The following NT5DC3 variants were observed in gnomAD, a reference collection of about 807,000 sequenced individuals.
NT5DC3 encodes 5'-nucleotidase domain containing 3, also known as 5'-nucleotidase domain-containing protein 3.
A neutral mutation model predicts 67.8 loss-of-function variants in NT5DC3; 42 were observed. The observed-to-expected ratio is 0.62, with a 90% CI of 0.48 to 0.80. NT5DC3 has a LOEUF of 0.80. Ranked by LOEUF, NT5DC3 falls within the 30% of genes least tolerant of loss-of-function variation. The probability of loss-of-function intolerance (pLI) is 0.00; values close to 1 mark genes in which losing one functional copy is unlikely to be tolerated. For synonymous variants in NT5DC3, 237 were observed against 255.6 expected (o/e 0.93, Z 0.69); for missense variants, 570 against 696.4 (o/e 0.82, Z 2.04).
At chr12:103,808,125 T>A (rs1282256392) in intron 2 of NT5DC3, among the ~76,000 whole-genome samples, 1 of 152,120 alleles carries the variant, frequency 6.6e-6, no homozygotes, top group Non-Finnish European at 1.5e-5. Context: ...AATCTCAGAA[T>A]TAGGACACAA....
the NT5DC3 span, among the ~76,000 whole-genome samples, chr12:103,749,674 G>GT: frequency 8.4e-6 from 1 of 119,486 alleles, no homozygotes; most frequent in Non-Finnish European, 1.8e-5. Flanking sequence ...CTAAAAAAAT[G>GT]CAAAAAAAAA....
intron 1 of NT5DC3, among the ~76,000 whole-genome samples, chr12:103,826,866 C>A (rs1032942827): frequency 6.6e-6 from 1 of 152,210 alleles, no homozygotes; most frequent in Non-Finnish European, 1.5e-5. Context: ...TTCTAAATTT[C>A]TTTTATTTTG....
At chr12:103,807,989 G>A (rs929546380) in intron 2 of NT5DC3, among the ~76,000 whole-genome samples, 3 of 152,236 alleles carry the variant, frequency 2.0e-5, no homozygotes, top group East Asian at 3.9e-4. Context: ...GCATGAAAAC[G>A]AAACTAATAC....
Position 103,789,107 on chromosome 12 carries a change from C to T in NT5DC3, c.1020-188G>A, listed in dbSNP as rs1885925086. ...TCCCAAATTGTGTGAAGCCCAGTAT[C>T]CAAAGGTGTTCCACGAAAAAAAAGA... On this transcript the variant is annotated intron_variant, in intron 9 of 13. Transcript: ENST00000392876. 3 of 551,774 alleles carry T rather than the reference C, an allele frequency of 5.4e-6. No homozygotes were observed. The East Asian group carries it at 8.5e-5, about 16-fold the overall frequency. The allele number at this position is 551,774 out of a possible 1,614,324, so 34.2% of individuals were successfully genotyped here. A position where few individuals can be genotyped will look rare whatever the true frequency, so the allele number is the denominator to read the frequency against.
At chr12:103,749,664 CT>C in the NT5DC3 span, among the ~76,000 whole-genome samples, 2 of 137,998 alleles carry the variant, frequency 1.4e-5, no homozygotes, top group African/African-American at 5.4e-5. Flanking sequence ...CCCATGTCTA[CT>C]AAAAAAATGC....
the NT5DC3 span, among the ~76,000 whole-genome samples, chr12:103,754,717 A>T: frequency 6.6e-6 from 1 of 152,182 alleles, no homozygotes; most frequent in African/African-American, 2.4e-5. Flanking sequence ...TGGGAGCCAG[A>T]GGCGGGTGGA....
At chr12:103,800,427 C>T (rs1428226498) in intron 4 of NT5DC3, among the ~76,000 whole-genome samples, 3 of 152,240 alleles carry the variant, frequency 2.0e-5, no homozygotes, top group Non-Finnish European at 4.4e-5. Flanking sequence ...TGTGTCCACA[C>T]TGCTAAGGCT....
chr12:103,779,888 C>T (rs1885477617), intron 13 of NT5DC3, among the ~76,000 whole-genome samples: 1 of 152,152 alleles, frequency 6.6e-6, no homozygotes, highest in Non-Finnish European at 1.5e-5. Flanking sequence ...TACAAATAAG[C>T]ACCAGGGTCG....
intron 2 of NT5DC3, among the ~76,000 whole-genome samples, chr12:103,809,139 C>T (rs1886925364): frequency 6.6e-6 from 1 of 152,256 alleles, no homozygotes; most frequent in Admixed American, 6.5e-5. Flanking sequence ...CCACTATATA[C>T]TGGACACTCA....
Position 103,778,074 on chromosome 12 carries a change from T to C in NT5DC3, c.1402A>G (p.Thr468Ala). Residue 468 changes from threonine (T) to alanine (A), a missense_variant, in exon 14 of 14, where the codon ACC becomes GCC. By Grantham distance (58) the Thr-to-Ala change is moderately conservative. Transcript: ENST00000392876. ...AACTGGGCATTGAAGAAACTCTTGG[T>C]CATTTCTCTGAAGAGGCAATAAAAA... ...KKERKEMREM[T>A]KSFFNAQFGS... The C allele has an allele frequency of 6.2e-7, 1 of 1,608,434 alleles. No homozygotes were observed. Among genetic ancestry groups the C allele is most frequent in the Non-Finnish European group, 8.5e-7 (1 of 1,176,550 alleles).
intron 10 of NT5DC3, among the ~76,000 whole-genome samples, chr12:103,788,513 T>G (rs973191962): frequency 6.6e-6 from 1 of 152,188 alleles, no homozygotes; most frequent in Admixed American, 6.5e-5. Flanking sequence ...AATTAGTAAT[T>G]TGAGTGAATA....
intron 12 of NT5DC3, 75 bp downstream of exon 12, chr12:103,785,260 G>C (rs890913669): frequency 2.9e-6 from 4 of 1,388,822 alleles, no homozygotes; most frequent in South Asian, 1.2e-5. Context: ...TAACAATTAA[G>C]CAGAAAATAC....
chr12:103,790,861 T>C (rs1886023329), intron 9 of NT5DC3, among the ~76,000 whole-genome samples: 1 of 151,702 alleles, frequency 6.6e-6, no homozygotes, highest in African/African-American at 2.4e-5. Context: ...GGCTAATTTT[T>C]TGTATTTTTA....
intron 2 of NT5DC3, among the ~76,000 whole-genome samples, chr12:103,810,884 C>T (rs553434627): frequency 5.7e-4 from 87 of 152,300 alleles, no homozygotes; most frequent in African/African-American, 2.1e-3. Flanking sequence ...AACATACCTG[C>T]TTTCCAGAGG....
At chr12:103,794,148 C>CTTTTTT (rs766607290) in intron 6 of NT5DC3, 151 bp from the exon 7 acceptor site, 14 of 489,336 alleles carry the variant, frequency 2.9e-5, no homozygotes, top group South Asian at 7.2e-5. Context: ...CCATTTTCTT[C>CTTTTTT]TTCTTTTTTT....
chr12:103,802,263 C>T (rs1207051892), intron 4 of NT5DC3: 1 of 152,220 alleles, frequency 6.6e-6, no homozygotes, highest in Admixed American at 6.5e-5. Flanking sequence ...GAAAGCATTT[C>T]AGGCTGAGAG....
chr12:103,792,711 A>G (rs920953604), intron 9 of NT5DC3, among the ~76,000 whole-genome samples: 1 of 152,226 alleles, frequency 6.6e-6, no homozygotes, highest in Non-Finnish European at 1.5e-5. Context: ...GATTTACTGC[A>G]CGTGATGCAA....
chr12:103,806,751 C>T, intron 3 of NT5DC3, 104 bp downstream of exon 3: 2 of 732,600 alleles, frequency 2.7e-6, no homozygotes, highest in South Asian at 1.7e-5. Context: ...TCCCAAATAA[C>T]ATAATTTAAA....
In NT5DC3 at chr12:103,821,757, C is replaced by T. The variant is rs554468492; in HGVS notation, c.209-6636G>A. ...AAAATTCAGCCACTCAAACTTCTGA[C>T]GATAAATTTTTAACTTTTTAACCTG... On this transcript the variant is annotated intron_variant, in intron 1 of 13. Coordinates refer to ENST00000392876, the MANE Select transcript of NT5DC3 (RefSeq NM_001031701.3). 6.6e-5 allele frequency: 10 copies of T among 152,304 alleles called. No individual in the cohort carries two copies. The East Asian group carries it at 7.7e-4, about 12-fold the overall frequency. The allele number at this position is 152,304 out of a possible 1,614,324, so 9.4% of individuals were successfully genotyped here. A position where few individuals can be genotyped will look rare whatever the true frequency, so the allele number is the denominator to read the frequency against.
Sources: allele counts gnomAD v4.1 joint callset (sites outside exome capture counted in the v4.1 genomes callset), GRCh38; gene constraint gnomAD v4.1.1; transcripts MANE v1.5; gene names NCBI Gene and HGNC (gene_info 2026-07-23, HGNC 2026-07-21).